Variants in NCOA1 observed in about 807,000 individuals in gnomAD.
The protein encoded by NCOA1 is Hin-2 protein.
Under a neutral mutation model 150.9 loss-of-function variants are expected in NCOA1, and 35 were observed. That is an observed-to-expected ratio of 0.23 (90% CI 0.18 to 0.31). NCOA1 has a LOEUF of 0.31. Ranked by LOEUF, NCOA1 falls within the 10% of genes least tolerant of loss-of-function variation. NCOA1 has a pLI of 1.00. For missense variants in NCOA1, 1,491 were observed against 1,749.3 expected (o/e 0.85, Z 2.63); for synonymous variants, 590 against 630.0 (o/e 0.94, Z 0.95).
chr2:24,513,621 T>C (rs1293850375), intron 1 of NCOA1, among the ~76,000 whole-genome samples: 1 of 152,232 alleles, frequency 6.6e-6, no homozygotes, highest in South Asian at 2.1e-4. Flanking sequence ...CGTGTACATA[T>C]GTGCTTGCGT....
intron 17 of NCOA1, among the ~76,000 whole-genome samples, chr2:24,736,474 A>G (rs191382676): frequency 2.6e-5 from 4 of 152,350 alleles, no homozygotes; most frequent in Admixed American, 6.5e-5. Flanking sequence ...ATCTGACATT[A>G]TAAGAACCAC....
intron 1 of NCOA1, among the ~76,000 whole-genome samples, chr2:24,504,374 A>T (rs1438055488): frequency 6.6e-6 from 1 of 152,212 alleles, no homozygotes; most frequent in Non-Finnish European, 1.5e-5. Flanking sequence ...GATTTTTCTT[A>T]TAGACTATTG....
intron 1 of NCOA1, among the ~76,000 whole-genome samples, chr2:24,496,666 C>G (rs1426824114): frequency 6.6e-6 from 1 of 152,146 alleles, no homozygotes; most frequent in Non-Finnish European, 1.5e-5. Context: ...ATGCCAGGAA[C>G]TACAACATTT....
intron 5 of NCOA1, among the ~76,000 whole-genome samples, chr2:24,659,603 A>G (rs1291169394): frequency 2.6e-5 from 4 of 152,206 alleles, no homozygotes; most frequent in African/African-American, 9.7e-5. Context: ...CTAGCTGCTC[A>G]TTTAATATTA....
intron 5 of NCOA1, 121 bp downstream of exon 5, chr2:24,658,887 C>A: frequency 2.4e-6 from 2 of 830,994 alleles, no homozygotes; most frequent in South Asian, 1.6e-5. Context: ...TTCATACTCA[C>A]CATGTTGTCT....
chr2:24,717,357 A>G (rs1674099643), intron 14 of NCOA1, among the ~76,000 whole-genome samples: 2 of 152,250 alleles, frequency 1.3e-5, no homozygotes, highest in Non-Finnish European at 2.9e-5. Context: ...CGATCAAGCC[A>G]TGAAAAGACA....
chr2:24,545,249 T>G (rs11674568), intron 1 of NCOA1, among the ~76,000 whole-genome samples: 1,969 of 152,058 alleles, frequency 0.013, 23 homozygotes, highest in Admixed American at 0.017. Flanking sequence ...CCTGGAACAT[T>G]GTAGAGTGCC....
At chr2:24,634,708 A>ACCCCCCCCCCCCC (rs530645429) in intron 3 of NCOA1, among the ~76,000 whole-genome samples, 8 of 39,720 alleles carry the variant, frequency 2.0e-4, no homozygotes, top group East Asian at 9.3e-4. Flanking sequence ...TAGGGGAGGA[A>ACCCCCCCCCCCCC]CCCCCCCCCC....
At chr2:24,565,608 G>A (rs1168513516) in intron 2 of NCOA1, among the ~76,000 whole-genome samples, 2 of 152,208 alleles carry the variant, frequency 1.3e-5, no homozygotes, top group Non-Finnish European at 2.9e-5. Context: ...AACTTCTGTG[G>A]CTGGTGGCGC....
intron 1 of NCOA1, among the ~76,000 whole-genome samples, chr2:24,556,734 G>A (rs1666089359): frequency 6.6e-6 from 1 of 152,116 alleles, no homozygotes. Flanking sequence ...AACAACAGAT[G>A]GTGGTGAGAC....
intron 3 of NCOA1, among the ~76,000 whole-genome samples, chr2:24,607,293 C>T (rs1668414494): frequency 6.7e-6 from 1 of 150,140 alleles, no homozygotes; most frequent in African/African-American, 2.5e-5. Flanking sequence ...TAGTCATTTT[C>T]TGTGTTGAGT....
chr2:24,637,719 G>C (rs997824274), intron 3 of NCOA1, among the ~76,000 whole-genome samples: 15 of 151,962 alleles, frequency 9.9e-5, no homozygotes, highest in African/African-American at 3.6e-4. Context: ...TTTTGAGATG[G>C]AGTTTTGCTC....
intron 8 of NCOA1, among the ~76,000 whole-genome samples, chr2:24,683,521 G>A (rs1249183690): frequency 6.6e-6 from 1 of 152,178 alleles, no homozygotes; most frequent in Non-Finnish European, 1.5e-5. Context: ...AATGTTTTTA[G>A]ACTTAAGTGC....
At chr2:24,555,211 G>T (rs1461991354) in intron 1 of NCOA1, among the ~76,000 whole-genome samples, 1 of 151,686 alleles carries the variant, frequency 6.6e-6, no homozygotes, top group South Asian at 2.1e-4. Context: ...TTACTTTTTT[G>T]TTTAACCCAT....
At position 24,682,152 on chromosome 2, in the gene NCOA1, C is replaced by A. The variant is rs1047224171; in HGVS notation, c.355-799C>A. Among the ~76,000 whole-genome samples, 4 of 152,138 alleles carry A rather than the reference C, an allele frequency of 2.6e-5. 1 individual carries two copies. The highest frequency in any genetic ancestry group is 9.7e-5 in the African/African-American group (4 of 41,416). On this transcript the variant is annotated intron_variant, in intron 7 of 22. Transcript: ENST00000348332. ...TCATTTTACATTTTGTTACAAAATT[C>A]TGTAAATGTTCTATTTTTTCAGGAT... is the stretch of plus-strand genomic sequence containing the variant.
intron 19 of NCOA1, 117 bp from the exon 20 acceptor site, chr2:24,751,865 A>G (rs951209543): frequency 2.0e-6 from 2 of 1,007,010 alleles, no homozygotes; most frequent in African/African-American, 3.3e-5. Flanking sequence ...ACACAAGACA[A>G]GGCAAATAAG....
intron 1 of NCOA1, among the ~76,000 whole-genome samples, chr2:24,561,464 T>C (rs1335044518): frequency 3.3e-5 from 5 of 152,234 alleles, no homozygotes; most frequent in East Asian, 3.8e-4. Flanking sequence ...GATGCTTTTA[T>C]TTTACATAAG....
At chr2:24,573,112 T>A (rs1296095439) in intron 2 of NCOA1, among the ~76,000 whole-genome samples, 1 of 152,150 alleles carries the variant, frequency 6.6e-6, no homozygotes, top group Admixed American at 6.5e-5. Flanking sequence ...AAATGTTTAT[T>A]GCTTTGAAGA....
chr2:24,759,618 A>G (rs191132558), intron 21 of NCOA1, among the ~76,000 whole-genome samples: 2 of 152,314 alleles, frequency 1.3e-5, no homozygotes, highest in African/African-American at 2.4e-5. Flanking sequence ...AAAGTATGCT[A>G]TAGTAACTAG....
Sources: allele counts gnomAD v4.1 joint callset (sites outside exome capture counted in the v4.1 genomes callset), GRCh38; gene constraint gnomAD v4.1.1; transcripts MANE v1.5; gene names NCBI Gene and HGNC (gene_info 2026-07-23, HGNC 2026-07-21).